The following LHX8 variants were observed in gnomAD, a reference collection of about 807,000 sequenced individuals.
LHX8 encodes LIM homeobox 8, also known as LIM/homeobox protein Lhx8.
In LHX8, 12 loss-of-function variants were observed where a neutral mutation model predicts 40.3. That is an observed-to-expected ratio of 0.30 (90% CI 0.19 to 0.48). LHX8 has a LOEUF of 0.48. LHX8 is among the 20% of genes least tolerant of loss of function. The pLI is 0.99. For missense variants in LHX8, 344 were observed against 433.7 expected (o/e 0.79, Z 1.84); for synonymous variants, 179 against 162.0 (o/e 1.10, Z -0.80).
At chr1:75,169,296 G>T in the LHX8 span, among the ~76,000 whole-genome samples, 1 of 152,158 alleles carries the variant, frequency 6.6e-6, no homozygotes, top group Admixed American at 6.5e-5. Flanking sequence ...CCATTTTTCT[G>T]GCTGCATGGC....
intron 6 of LHX8, 63 bp downstream of exon 6, chr1:75,144,011 C>T (rs1313588036): frequency 2.4e-6 from 3 of 1,244,154 alleles, no homozygotes; most frequent in Non-Finnish European, 3.5e-6. Context: ...CAAAAAGTAA[C>T]CTCCATGCTG....
intron 8 of LHX8, chr1:75,159,143 T>C (rs1400590283): frequency 5.3e-5 from 8 of 152,224 alleles, no homozygotes; most frequent in Admixed American, 2.0e-4. Context: ...TTGGTAGTTA[T>C]TTTCTTTCAG....
intron 1 of LHX8, among the ~76,000 whole-genome samples, chr1:75,129,297 G>A (rs1647901430): frequency 6.6e-6 from 1 of 152,166 alleles, no homozygotes; most frequent in African/African-American, 2.4e-5. Flanking sequence ...GGCAAGCAGG[G>A]AAGGAGGAAG....
At chr1:75,196,014 G>A in the LHX8 span, among the ~76,000 whole-genome samples, 12 of 152,238 alleles carry the variant, frequency 7.9e-5, no homozygotes, top group African/African-American at 1.9e-4. Context: ...ATAGTCTGGC[G>A]GAAGCTATAA....
chr1:75,179,974 TC>T, the LHX8 span, among the ~76,000 whole-genome samples: 7 of 152,308 alleles, frequency 4.6e-5, 1 homozygote, highest in South Asian at 1.2e-3. Context: ...GATATGAAAT[TC>T]TGGATTGAAA....
chr1:75,149,758 G>A (rs999653600), intron 7 of LHX8, among the ~76,000 whole-genome samples: 2 of 152,124 alleles, frequency 1.3e-5, no homozygotes, highest in Non-Finnish European at 2.9e-5. Context: ...TGTTGCCCAG[G>A]CTGGTCTCAA....
intron 7 of LHX8, among the ~76,000 whole-genome samples, chr1:75,150,681 C>A (rs182589240): frequency 2.4e-4 from 32 of 135,176 alleles, no homozygotes; most frequent in East Asian, 8.6e-4. Flanking sequence ...AATTTTATTT[C>A]TTTTTTTTTT....
the LHX8 span, among the ~76,000 whole-genome samples, chr1:75,180,656 G>A: frequency 6.6e-6 from 1 of 152,126 alleles, no homozygotes; most frequent in Non-Finnish European, 1.5e-5. Context: ...GCTCGGAGAA[G>A]TTTGTTATTA....
chr1:75,170,291 C>G, the LHX8 span, among the ~76,000 whole-genome samples: 2 of 152,154 alleles, frequency 1.3e-5, no homozygotes, highest in Non-Finnish European at 2.9e-5. Context: ...AATATTAACT[C>G]TTTAACCCAG....
chr1:75,146,375 C>A lies in LHX8; in HGVS notation c.685-2212C>A, dbSNP rs181627009. ...AGAGGATGTATTGGCAAATATATTTCAAATACCGTCCCATTTGTAGAAATG... is the reference window on the plus strand; with the variant it reads ...AGAGGATGTATTGGCAAATATATTTAAAATACCGTCCCATTTGTAGAAATG... On this transcript the variant is annotated intron_variant, in intron 6 of 8. Coordinates refer to ENST00000356261, the MANE Select transcript of LHX8 (RefSeq NM_001256114.2). Among the ~76,000 whole-genome samples, 280 of 152,246 alleles carry A rather than the reference C, an allele frequency of 1.8e-3. 1 individual carries two copies. Among genetic ancestry groups the A allele is most frequent in the African/African-American group, 6.5e-3 (268 of 41,550 alleles).
chr1:75,189,006 C>T, the LHX8 span, among the ~76,000 whole-genome samples: 1 of 152,212 alleles, frequency 6.6e-6, no homozygotes, highest in Non-Finnish European at 1.5e-5. Context: ...TGGCATGCAT[C>T]AGCAGTAACC....
chr1:75,171,028 T>A, the LHX8 span, among the ~76,000 whole-genome samples: 7 of 152,196 alleles, frequency 4.6e-5, no homozygotes, highest in Non-Finnish European at 1.0e-4. Flanking sequence ...CTCAGGTCTT[T>A]AATTTCTTTT....
At chr1:75,160,765 A>AT in intron 8 of LHX8, 54 bp from the exon 9 acceptor site, 1 of 1,160,568 alleles carries the variant, frequency 8.6e-7, no homozygotes, top group Non-Finnish European at 1.3e-6. Flanking sequence ...TTGTTTATAA[A>AT]TCAGTTTTAT....
At chr1:75,184,711 A>G in the LHX8 span, among the ~76,000 whole-genome samples, 1 of 152,048 alleles carries the variant, frequency 6.6e-6, no homozygotes, top group South Asian at 2.1e-4. Context: ...AAAAGAACTA[A>G]AGAGGCAAGA....
intron 4 of LHX8, 61 bp downstream of exon 4, chr1:75,141,167 T>C (rs1648300851): frequency 1.3e-6 from 2 of 1,559,402 alleles, no homozygotes; most frequent in Non-Finnish European, 1.8e-6. Context: ...AAGAGACTTT[T>C]GTAATAGGCT....
chr1:75,198,007 A>T, the LHX8 span, among the ~76,000 whole-genome samples: 1 of 152,200 alleles, frequency 6.6e-6, no homozygotes, highest in Admixed American at 6.5e-5. Flanking sequence ...AATGACATTC[A>T]ATTTGCCAAC....
chr1:75,130,280 C>T (rs1453042564), upstream of LHX8: 1 of 215,642 alleles, frequency 4.6e-6, no homozygotes, highest in African/African-American at 2.2e-5. Flanking sequence ...CTTACTGGCG[C>T]TCTGCGAACC....
intron 6 of LHX8, 96 bp downstream of exon 6, chr1:75,144,044 C>A (rs1166420107): frequency 6.5e-6 from 6 of 922,760 alleles, no homozygotes; most frequent in Non-Finnish European, 1.0e-5. Flanking sequence ...TTTATGTTTT[C>A]TAAAAAATTA....
rs1028746839 is a variant in LHX8, at chr1:75,134,941, G to T, written c.-26G>T. ...GGAGATGAAGCCTCGAGCCTAAGGCGCTCTCAGGTCCATGTGAGTCGTGCT... is the reference window on the plus strand; with the variant it reads ...GGAGATGAAGCCTCGAGCCTAAGGCTCTCTCAGGTCCATGTGAGTCGTGCT... On this transcript the variant is annotated 5_prime_UTR_variant, in exon 1 of 9. Coordinates refer to ENST00000356261, the MANE Select transcript of LHX8 (RefSeq NM_001256114.2). 2.0e-6 allele frequency: 2 copies of T among 985,178 alleles called. No individual in the cohort carries two copies. Among genetic ancestry groups the T allele is most frequent in the Admixed American group, 1.2e-4 (2 of 16,266 alleles). The allele number at this position is 985,178 out of a possible 1,614,324, so 61.0% of individuals were successfully genotyped here. A position where few individuals can be genotyped will look rare whatever the true frequency, so the allele number is the denominator to read the frequency against.
Sources: allele counts gnomAD v4.1 joint callset (sites outside exome capture counted in the v4.1 genomes callset), GRCh38; gene constraint gnomAD v4.1.1; transcripts MANE v1.5; gene names NCBI Gene and HGNC (gene_info 2026-07-23, HGNC 2026-07-21).